AKAP7: variants seen among roughly 807,000 people sequenced by gnomAD.
The protein encoded by AKAP7 is A kinase (PRKA) anchor protein 7.
AKAP7 carries 39 observed loss-of-function variants against 39.5 expected under a neutral mutation model. The ratio of observed to expected loss-of-function variants is 0.99; its 90% CI spans 0.76 to 1.29. The LOEUF is 1.29. AKAP7 is among the 50% of genes most tolerant of loss of function. The probability of loss-of-function intolerance (pLI) is 0.00; values close to 1 mark genes in which losing one functional copy is unlikely to be tolerated. For synonymous variants in AKAP7, 140 were observed against 139.1 expected (o/e 1.01, Z -0.05); for missense variants, 414 against 407.7 (o/e 1.02, Z -0.13).
chr6:131,203,695 C>T (rs1807831361), intron 6 of AKAP7, among the ~76,000 whole-genome samples: 1 of 152,080 alleles, frequency 6.6e-6, no homozygotes, highest in African/African-American at 2.4e-5. Flanking sequence ...CAGACCTTTT[C>T]CTATGTGCTG....
intron 7 of AKAP7, among the ~76,000 whole-genome samples, chr6:131,261,009 C>A (rs1292007502): frequency 1.3e-5 from 2 of 151,986 alleles, no homozygotes; most frequent in Non-Finnish European, 2.9e-5. Context: ...CCAGCCTGAC[C>A]AACATGGAGA....
At chr6:131,221,377 G>T (rs559911563) in intron 7 of AKAP7, among the ~76,000 whole-genome samples, 4 of 152,344 alleles carry the variant, frequency 2.6e-5, no homozygotes, top group Middle Eastern at 6.8e-3. Flanking sequence ...TTTAAGGAGA[G>T]AAGCTGTCTC....
intron 7 of AKAP7, chr6:131,252,894 A>G: frequency 1.3e-6 from 1 of 782,540 alleles, no homozygotes; most frequent in Non-Finnish European, 2.1e-6. Flanking sequence ...AGCAGAGCAC[A>G]AAAATGTGAA....
At chr6:131,185,784 A>G (rs1746473) in intron 5 of AKAP7, among the ~76,000 whole-genome samples, 44,348 of 152,034 alleles carry the variant, frequency 0.29, 7,150 homozygotes, top group Non-Finnish European at 0.36. Context: ...TTTTCATTCT[A>G]TTATATCCTA....
At chr6:131,277,576 G>C (rs930967044) in intron 7 of AKAP7, among the ~76,000 whole-genome samples, 1 of 152,164 alleles carries the variant, frequency 6.6e-6, no homozygotes, top group Non-Finnish European at 1.5e-5. Context: ...TCAGGTAGTT[G>C]GCAGAAGAAA....
At chr6:131,256,722 T>A (rs1812889451) in intron 7 of AKAP7, among the ~76,000 whole-genome samples, 1 of 151,288 alleles carries the variant, frequency 6.6e-6, no homozygotes, top group African/African-American at 2.4e-5. Flanking sequence ...ATTATTATTA[T>A]TATTATTATT....
At chr6:131,135,077 T>G (rs1024199688), upstream of AKAP7, among the ~76,000 whole-genome samples, 2 of 152,192 alleles carry the variant, frequency 1.3e-5, no homozygotes, top group Admixed American at 6.5e-5. Flanking sequence ...GTAAATAAAG[T>G]ATCTCATTAT....
chr6:131,271,167 G>T (rs920739554), intron 7 of AKAP7, among the ~76,000 whole-genome samples: 2 of 152,042 alleles, frequency 1.3e-5, no homozygotes, highest in Non-Finnish European at 2.9e-5. Context: ...AAGTTCTTCT[G>T]TGTTTTCTTC....
At chr6:131,168,895 A>C (rs1384230782) in intron 4 of AKAP7, among the ~76,000 whole-genome samples, 1 of 152,086 alleles carries the variant, frequency 6.6e-6, no homozygotes, top group Admixed American at 6.6e-5. Flanking sequence ...TTTAATAGTG[A>C]TTATAATTAG....
chr6:131,133,938 C>A (rs997064551), upstream of AKAP7, among the ~76,000 whole-genome samples: 3 of 152,110 alleles, frequency 2.0e-5, no homozygotes, highest in Non-Finnish European at 4.4e-5. Flanking sequence ...GACTCATTCT[C>A]CTCTTTCTGG....
chr6:131,204,609 C>T (rs1807915207), intron 6 of AKAP7, among the ~76,000 whole-genome samples: 1 of 152,132 alleles, frequency 6.6e-6, no homozygotes, highest in South Asian at 2.1e-4. Flanking sequence ...AGTATATCCC[C>T]CTTGACATGC....
Position 131,169,246 on chromosome 6 carries a change from C to A in AKAP7, c.562C>A (p.His188Asn). The change falls in exon 5 of 8, where the codon CAT becomes AAT. Residue 188 changes from histidine (H) to asparagine (N), a missense_variant. Transcript: ENST00000431975. The stretch of plus-strand genomic sequence containing the variant: ...ATTTGTGAAGCTGGCAGAAGGAGAT[C>A]ATGTAAACTCACTTTTGGAGATAGC... ...VGFVKLAEGDHVNSLLEIAET... is the reference protein window; with the variant it reads ...VGFVKLAEGDNVNSLLEIAET... The A allele has an allele frequency of 6.2e-7, 1 of 1,613,986 alleles. No individual in the cohort carries two copies. Among genetic ancestry groups the A allele is most frequent in the East Asian group, 2.2e-5 (1 of 44,856 alleles).
chr6:131,259,569 T>C (rs1813138069), intron 7 of AKAP7, among the ~76,000 whole-genome samples: 1 of 152,230 alleles, frequency 6.6e-6, no homozygotes, highest in Non-Finnish European at 1.5e-5. Context: ...TTGGTGGTCT[T>C]AGAAGCCAGT....
chr6:131,274,039 T>A (rs143290047), intron 7 of AKAP7, among the ~76,000 whole-genome samples: 19 of 152,044 alleles, frequency 1.2e-4, no homozygotes, highest in Middle Eastern at 3.4e-3. Context: ...TTTAGTACTT[T>A]AAAATGTTGC....
At chr6:131,250,399 C>T (rs1812346529) in intron 7 of AKAP7, 29 of 1,449,390 alleles carry the variant, frequency 2.0e-5, no homozygotes, top group Non-Finnish European at 1.8e-5. Flanking sequence ...AGCAAGTTCC[C>T]TTCTCCTTTC....
chr6:131,164,184 C>T (rs1001208683), intron 3 of AKAP7, among the ~76,000 whole-genome samples: 1 of 152,164 alleles, frequency 6.6e-6, no homozygotes, highest in Non-Finnish European at 1.5e-5. Context: ...TCAGCCCCCA[C>T]TCTTTCCCTT....
chr6:131,270,878 G>GA (rs1216276468), intron 7 of AKAP7, among the ~76,000 whole-genome samples: 1 of 151,978 alleles, frequency 6.6e-6, no homozygotes, highest in African/African-American at 2.4e-5. Flanking sequence ...CTTATTTTGT[G>GA]AAAAAAACTT....
chr6:131,176,349 T>G (rs1804580253), intron 5 of AKAP7, among the ~76,000 whole-genome samples: 1 of 152,114 alleles, frequency 6.6e-6, no homozygotes, highest in Admixed American at 6.5e-5. Context: ...GCTGATAGAA[T>G]TAAGAAGATA....
At position 131,160,224 on chromosome 6, in the gene AKAP7, A is replaced by G. The variant is rs755290104; in HGVS notation, c.291+26A>G. On this transcript the variant is annotated intron_variant, in intron 3 of 7. Transcript: ENST00000431975. ...GTGCTATTTTTAAAAAGTTATTTTT[A>G]CTGTGAAATTTTATTCTAAATTTAA... The G allele has an allele frequency of 2.5e-6, 4 of 1,580,296 alleles. No homozygotes were observed. The East Asian group carries it at 6.8e-5, about 27-fold the overall frequency.
Sources: allele counts gnomAD v4.1 joint callset (sites outside exome capture counted in the v4.1 genomes callset), GRCh38; gene constraint gnomAD v4.1.1; transcripts MANE v1.5; gene names NCBI Gene and HGNC (gene_info 2026-07-23, HGNC 2026-07-21).